The following ANKFN1 variants were observed in gnomAD, a reference collection of about 807,000 sequenced individuals.
ANKFN1 encodes the protein ankyrin repeat and fibronectin type III domain containing 1, also known as ankyrin repeat and fibronectin type-III domain-containing protein 1.
In ANKFN1, 74 loss-of-function variants were observed where a neutral mutation model predicts 108.7. The ratio of observed to expected loss-of-function variants is 0.68; its 90% CI spans 0.56 to 0.83. ANKFN1 has a LOEUF of 0.83. Among genes scored for constraint, ANKFN1 ranks in the 40% least tolerant of loss-of-function variants. The probability of loss-of-function intolerance (pLI) is 0.00; values close to 1 mark genes in which losing one functional copy is unlikely to be tolerated. For synonymous variants in ANKFN1, 547 were observed against 516.2 expected (o/e 1.06, Z -0.81); for missense variants, 1,505 against 1,382.3 (o/e 1.09, Z -1.41).
chr17:56,474,921 G>T (rs2050448683), intron 15 of ANKFN1, among the ~76,000 whole-genome samples: 1 of 151,926 alleles, frequency 6.6e-6, no homozygotes, highest in African/African-American at 2.4e-5. Context: ...TTTTTTTCTA[G>T]CCTATTCTTT....
At chr17:56,469,176 T>C (rs2050230127) in intron 15 of ANKFN1, among the ~76,000 whole-genome samples, 1 of 151,882 alleles carries the variant, frequency 6.6e-6, no homozygotes, top group South Asian at 2.1e-4. Flanking sequence ...AGTGGAAAAT[T>C]TACCCCCGCT....
chr17:56,295,615 G>GT (rs2044488007), intron 3 of ANKFN1, among the ~76,000 whole-genome samples: 1 of 151,558 alleles, frequency 6.6e-6, no homozygotes, highest in African/African-American at 2.4e-5. Flanking sequence ...GTGTGTGGGC[G>GT]GTGTGTGTGT....
At chr17:56,443,880 A>C (rs564797220) in intron 10 of ANKFN1, among the ~76,000 whole-genome samples, 17 of 152,234 alleles carry the variant, frequency 1.1e-4, no homozygotes, top group Admixed American at 1.1e-3. Flanking sequence ...TTAATGTGAG[A>C]GTTAAAAGTG....
upstream of ANKFN1, among the ~76,000 whole-genome samples, chr17:56,151,825 T>C (rs1567806017): frequency 6.6e-6 from 1 of 152,212 alleles, no homozygotes; most frequent in Non-Finnish European, 1.5e-5. Context: ...TTTAAACTTT[T>C]TGAAGCGGGC....
At chr17:56,141,669 G>A (rs542158283) in intron 4 of ANKFN1, among the ~76,000 whole-genome samples, 3 of 152,228 alleles carry the variant, frequency 2.0e-5, no homozygotes, top group Admixed American at 2.0e-4. Flanking sequence ...TCATCAGGGT[G>A]TGTGTGGGGG....
chr17:56,508,909 A>C (rs1289632112), intron 20 of ANKFN1, among the ~76,000 whole-genome samples: 1 of 152,236 alleles, frequency 6.6e-6, no homozygotes, highest in Admixed American at 6.5e-5. Flanking sequence ...CAAGTAATAT[A>C]GAATCTTCAT....
At chr17:56,497,822 G>T (rs2051248298) in intron 19 of ANKFN1, among the ~76,000 whole-genome samples, 1 of 152,062 alleles carries the variant, frequency 6.6e-6, no homozygotes, top group Non-Finnish European at 1.5e-5. Context: ...TGGGCCCCAA[G>T]AAGTTAATGG....
chr17:56,361,403 A>T (rs2052189), intron 6 of ANKFN1, among the ~76,000 whole-genome samples: 91,276 of 151,870 alleles, frequency 0.6, 31,751 homozygotes, highest in East Asian at 0.96. Context: ...AAACAATAGA[A>T]TTGTTTGGGG....
At chr17:56,448,096 G>A (rs2049356294) in intron 10 of ANKFN1, among the ~76,000 whole-genome samples, 1 of 152,136 alleles carries the variant, frequency 6.6e-6, no homozygotes, top group South Asian at 2.1e-4. Flanking sequence ...TAGAATTTAA[G>A]CCCAAGATAC....
At chr17:56,065,764 A>G (rs1433165580) in intron 4 of ANKFN1, among the ~76,000 whole-genome samples, 1 of 152,214 alleles carries the variant, frequency 6.6e-6, no homozygotes, top group Non-Finnish European at 1.5e-5. Context: ...CAATAAGAAT[A>G]GAAACATCAC....
chr17:56,508,643 G>A (rs1007453053), intron 20 of ANKFN1, among the ~76,000 whole-genome samples: 3 of 152,044 alleles, frequency 2.0e-5, no homozygotes, highest in Non-Finnish European at 2.9e-5. Flanking sequence ...AATGAATGGA[G>A]GGAGAAAAAT....
At chr17:56,102,630 CTTTT>C (rs10569994) in intron 4 of ANKFN1, among the ~76,000 whole-genome samples, 1 of 149,288 alleles carries the variant, frequency 6.7e-6, no homozygotes. Context: ...CCTTCCTAGC[CTTTT>C]TTTTTTTTCA....
upstream of ANKFN1, among the ~76,000 whole-genome samples, chr17:56,149,035 G>T (rs1301346928): frequency 6.6e-6 from 1 of 152,178 alleles, no homozygotes; most frequent in Non-Finnish European, 1.5e-5. Flanking sequence ...AAATGGCAGA[G>T]TCAAGACATA....
chr17:56,146,809 G>C (rs141800793), intron 4 of ANKFN1, among the ~76,000 whole-genome samples: 53 of 152,314 alleles, frequency 3.5e-4, no homozygotes, highest in Middle Eastern at 3.4e-3. Context: ...CATTTTCCTC[G>C]TTGTCTTGGT....
At chr17:56,228,743 T>G (rs1916480926) in intron 3 of ANKFN1, among the ~76,000 whole-genome samples, 1 of 152,104 alleles carries the variant, frequency 6.6e-6, no homozygotes, top group African/African-American at 2.4e-5. Context: ...GCTCAAAATG[T>G]AGTAAGTTGC....
At chr17:56,318,494 C>A (rs760465880) in intron 3 of ANKFN1, among the ~76,000 whole-genome samples, 13 of 152,118 alleles carry the variant, frequency 8.5e-5, no homozygotes, top group Non-Finnish European at 1.8e-4. Flanking sequence ...GAGGGAAATT[C>A]AAAAATCAAT....
intron 3 of ANKFN1, among the ~76,000 whole-genome samples, chr17:56,303,918 G>C (rs2044744878): frequency 1.4e-5 from 2 of 147,174 alleles, no homozygotes; most frequent in Admixed American, 6.8e-5. Context: ...GGATGGTCTC[G>C]ATCTCCTGAC....
At chr17:56,431,205 G>A (rs189789959) in intron 8 of ANKFN1, among the ~76,000 whole-genome samples, 40 of 152,286 alleles carry the variant, frequency 2.6e-4, no homozygotes, top group African/African-American at 7.2e-4. Context: ...GTTTTGGGTC[G>A]AAGCAGACCT....
chr17:56,385,696 T>G (rs1463885418), intron 8 of ANKFN1, among the ~76,000 whole-genome samples: 2 of 152,198 alleles, frequency 1.3e-5, no homozygotes, highest in Non-Finnish European at 2.9e-5. Context: ...AAGACATTTA[T>G]GTAGCCAAAA....
Sources: gnomAD v4.1 joint callset for allele counts (sites outside exome capture counted in the v4.1 genomes callset) on GRCh38, gnomAD v4.1.1 for gene constraint, MANE v1.5 for transcripts, NCBI Gene and HGNC (gene_info 2026-07-23, HGNC 2026-07-21) for gene names.